The following MBP variants were observed in gnomAD, a reference collection of about 807,000 sequenced individuals.
MBP encodes the protein Golli-MBP.
Under a neutral mutation model 35.8 loss-of-function variants are expected in MBP, and 16 were observed. The observed-to-expected ratio is 0.45, with a 90% CI of 0.30 to 0.68. MBP has a LOEUF of 0.68. Ranked by LOEUF, MBP falls within the 30% of genes least tolerant of loss-of-function variation. The probability of loss-of-function intolerance (pLI) is 0.08; values close to 1 mark genes in which losing one functional copy is unlikely to be tolerated. For synonymous variants in MBP, 143 were observed against 159.6 expected, an observed-to-expected ratio of 0.90 and a Z score of 0.78; for missense variants, 380 against 404.7, an observed-to-expected ratio of 0.94 and a Z score of 0.52.
chr18:77,010,062 G>T, intron 4 of MBP: 1 of 643,264 alleles, frequency 1.6e-6, no homozygotes, highest in East Asian at 2.8e-5. Flanking sequence ...GGGGGTGGAG[G>T]ATGAAGGACG....
intron 4 of MBP, among the ~76,000 whole-genome samples, chr18:77,001,718 C>T (rs181359395): frequency 3.3e-5 from 5 of 152,158 alleles, no homozygotes; most frequent in Admixed American, 2.0e-4. Context: ...GGCGTGGTGG[C>T]GGACACCTGT....
At chr18:77,069,201 T>C (rs1401817418) in intron 2 of MBP, among the ~76,000 whole-genome samples, 3 of 152,170 alleles carry the variant, frequency 2.0e-5, no homozygotes, top group East Asian at 1.9e-4. Flanking sequence ...TTTTTAAACA[T>C]AGTTAAAATG....
chr18:76,981,376 A>C (rs1969191327), intron 8 of MBP: 1 of 152,248 alleles, frequency 6.6e-6, no homozygotes, highest in Non-Finnish European at 1.5e-5. Flanking sequence ...TCAGCAACGA[A>C]CCAACACTGT....
intron 7 of MBP, chr18:76,985,974 A>T: frequency 1.0e-6 from 1 of 985,680 alleles, no homozygotes; most frequent in Non-Finnish European, 1.2e-6. Flanking sequence ...CGAGTGTCCC[A>T]GGACCAGCCT....
intron 4 of MBP, among the ~76,000 whole-genome samples, chr18:76,993,381 C>CA (rs112579591): frequency 6.6e-6 from 1 of 151,642 alleles, no homozygotes; most frequent in African/African-American, 2.4e-5. Context: ...GGTGAAACCC[C>CA]TCTCTACTAA....
At chr18:77,055,833 C>T (rs1973697476) in intron 3 of MBP, among the ~76,000 whole-genome samples, 1 of 152,206 alleles carries the variant, frequency 6.6e-6, no homozygotes, top group Admixed American at 6.5e-5. Flanking sequence ...TCTTTCCAAA[C>T]ACAGCTGGTG....
At chr18:77,062,561 G>A (rs1974025285) in intron 3 of MBP, among the ~76,000 whole-genome samples, 1 of 151,696 alleles carries the variant, frequency 6.6e-6, no homozygotes, top group Non-Finnish European at 1.5e-5. Flanking sequence ...GCTCTAACGA[G>A]TTATTTACTT....
intron 4 of MBP, chr18:77,014,348 A>T (rs940405175): frequency 1.0e-5 from 10 of 985,238 alleles, no homozygotes; most frequent in Admixed American, 6.2e-5. Context: ...AGCCCCTTTT[A>T]TAGGGTCATG....
chr18:77,116,949 T>C (rs1976687952), intron 1 of MBP, among the ~76,000 whole-genome samples: 1 of 152,080 alleles, frequency 6.6e-6, no homozygotes, highest in African/African-American at 2.4e-5. Flanking sequence ...CACCAACAGG[T>C]CGGAGCTGAG....
At chr18:77,125,974 C>T (rs181260810) in intron 1 of MBP, among the ~76,000 whole-genome samples, 100 of 152,024 alleles carry the variant, frequency 6.6e-4, no homozygotes, top group African/African-American at 1.5e-3. Flanking sequence ...ATGGTTTCAC[C>T]GGAAATTTCT....
chr18:77,048,630 A>G (rs1973355667), intron 3 of MBP, among the ~76,000 whole-genome samples: 1 of 151,606 alleles, frequency 6.6e-6, no homozygotes, highest in Non-Finnish European at 1.5e-5. Flanking sequence ...CGGCCGGCTA[A>G]TTTTTGTATT....
At chr18:77,002,855 T>C (rs549269191) in intron 4 of MBP, 1 of 152,356 alleles carries the variant, frequency 6.6e-6, no homozygotes, top group South Asian at 2.1e-4. Flanking sequence ...AACGGATTTT[T>C]AAATTGTATT....
At chr18:76,992,009 G>A (rs1460416213) in intron 4 of MBP, among the ~76,000 whole-genome samples, 4 of 152,198 alleles carry the variant, frequency 2.6e-5, no homozygotes, top group Non-Finnish European at 5.9e-5. Flanking sequence ...AGTGTGCTGC[G>A]TTTCGCCCAG....
chr18:77,020,951 C>T lies in MBP; in HGVS notation c.140-3683G>A, dbSNP rs1246454474. Among the ~76,000 whole-genome samples the T allele has an allele frequency of 1.3e-5, 2 of 152,328 alleles. No homozygotes were observed. Among genetic ancestry groups the T allele is most frequent in the South Asian group, 4.1e-4 (2 of 4,824 alleles). On this transcript the variant is annotated intron_variant, in intron 3 of 8. Coordinates refer to ENST00000355994, the MANE Select transcript of MBP (RefSeq NM_001025101.2). This position sits in a 1 kb window ranked among gnomAD's most constrained non-coding sequence, Gnocchi z 4.1. The stretch of plus-strand genomic sequence containing the variant: ...AGACGTTGGTGAGGAAAAGATGTTT[C>T]TCATGTGGTTTGGTTCACACTAAAA...
intron 3 of MBP, among the ~76,000 whole-genome samples, chr18:77,031,327 G>A (rs919753656): frequency 6.6e-6 from 1 of 152,120 alleles, no homozygotes; most frequent in Admixed American, 6.6e-5. Context: ...GAGCATGCCC[G>A]CCCTGCTGCC....
At chr18:76,997,063 T>C (rs1455320937) in intron 4 of MBP, among the ~76,000 whole-genome samples, 1 of 152,180 alleles carries the variant, frequency 6.6e-6, no homozygotes, top group Non-Finnish European at 1.5e-5. Context: ...CCCCTCCAAA[T>C]GTCTCTGTTT....
At chr18:77,009,738 G>GGGGTGGGCC (rs1340673012) in intron 4 of MBP, 292 of 952,072 alleles carry the variant, frequency 3.1e-4, no homozygotes, top group Non-Finnish European at 4.3e-4. Context: ...CCGGAGGCTG[G>GGGGTGGGCC]GGGTGGGCCC....
chr18:77,014,755 C>T, intron 4 of MBP: 2 of 985,260 alleles, frequency 2.0e-6, no homozygotes, highest in South Asian at 9.4e-5. Flanking sequence ...GCGTGCGCTC[C>T]CCCGGGATGC....
chr18:76,999,207 A>C (rs181049602), intron 4 of MBP, among the ~76,000 whole-genome samples: 69 of 152,186 alleles, frequency 4.5e-4, no homozygotes, highest in Non-Finnish European at 2.9e-4. Context: ...TAGGGGGTGA[A>C]GGTGAACTCA....
Sources: allele counts gnomAD v4.1 joint callset (sites outside exome capture counted in the v4.1 genomes callset), GRCh38; gene constraint gnomAD v4.1.1; non-coding constraint Gnocchi (gnomAD v3.1); transcripts MANE v1.5; gene names NCBI Gene and HGNC (gene_info 2026-07-23, HGNC 2026-07-21).